Variants in BCAT1 observed in about 807,000 individuals in gnomAD.
The protein encoded by BCAT1 is branched-chain-amino-acid aminotransferase, cytosolic.
In BCAT1, 48 loss-of-function variants were observed where a neutral mutation model predicts 52.4. The observed-to-expected ratio is 0.92, with a 90% CI of 0.73 to 1.16. The LOEUF (loss-of-function observed/expected upper bound fraction) is 1.16, where lower values mean the gene tolerates loss of function less well. BCAT1 is among the 50% of genes most tolerant of loss of function. The pLI, the probability that BCAT1 is intolerant of heterozygous loss-of-function variation, is 0.00. For missense variants in BCAT1, 451 were observed against 457.1 expected, an observed-to-expected ratio of 0.99 and a Z score of 0.12; for synonymous variants, 167 against 161.3, an observed-to-expected ratio of 1.04 and a Z score of -0.27.
At chr12:24,879,705 C>T (rs1388327282) in intron 4 of BCAT1, among the ~76,000 whole-genome samples, 1 of 152,214 alleles carries the variant, frequency 6.6e-6, no homozygotes, top group Non-Finnish European at 1.5e-5. Flanking sequence ...GGAATAAAAA[C>T]ACCTGGATCT....
At position 24,817,046 on chromosome 12, in the gene BCAT1, A is replaced by G. The variant is rs147746575; in HGVS notation, c.*962T>C. On this transcript the variant is annotated 3_prime_UTR_variant, in exon 11 of 11. Transcript: ENST00000261192. Reference sequence around the variant, plus strand: ...GGTTGGGGTCCCCTGCTCTAGGGATATATCTTCAATTCCAAGATAATTCTA... The same window carrying G: ...GGTTGGGGTCCCCTGCTCTAGGGATGTATCTTCAATTCCAAGATAATTCTA... 8.9e-3 allele frequency: 1,404 copies of G among 157,314 alleles called. 15 individuals are homozygous for G. Among genetic ancestry groups the G allele is most frequent in the Non-Finnish European group, 0.011 (783 of 71,658 alleles). 9.7% of individuals were successfully genotyped at this position (157,314 alleles called of 1,614,324 possible).
chr12:24,908,115 G>C (rs370702423), intron 1 of BCAT1, among the ~76,000 whole-genome samples: 4 of 151,992 alleles, frequency 2.6e-5, no homozygotes, highest in Non-Finnish European at 5.9e-5. Flanking sequence ...ATGTTCTCAG[G>C]GTCCACTCCA....
intron 7 of BCAT1, among the ~76,000 whole-genome samples, chr12:24,839,100 G>A (rs769538442): frequency 9.2e-5 from 14 of 152,188 alleles, no homozygotes; most frequent in Admixed American, 1.3e-4. Flanking sequence ...ATAGACACAG[G>A]TAAACATTTA....
rs71063368 is a variant in BCAT1 at position 24,887,080 on chromosome 12, AATATATATATATAT to A, written c.280-5683_280-5670del. Among the ~76,000 whole-genome samples, 14 of 40,744 alleles carry A rather than the reference AATATATATATATAT, an allele frequency of 3.4e-4. 1 individual carries two copies. The highest frequency in any genetic ancestry group is 4.7e-4 in the Non-Finnish European group (9 of 19,058). The allele number at this position is 40,744 out of a possible 152,430, so 26.7% of individuals were successfully genotyped here. A position where few individuals can be genotyped will look rare whatever the true frequency, so the allele number is the denominator to read the frequency against. On this transcript the variant is annotated intron_variant, in intron 3 of 10. Transcript: ENST00000261192. The stretch of plus-strand genomic sequence containing the variant: ...GCTAGCTAAAAAAAAAAAAAAAAAA[AATATATATATATAT>A]ATATATATATATATATAAAGCTGAT...
At chr12:24,855,323 A>T (rs1452830275) in intron 5 of BCAT1, among the ~76,000 whole-genome samples, 4 of 149,082 alleles carry the variant, frequency 2.7e-5, no homozygotes, top group Admixed American at 1.3e-4. Flanking sequence ...AAAAAAAAAG[A>T]AAGAAAAAAA....
intron 5 of BCAT1, among the ~76,000 whole-genome samples, chr12:24,863,167 CAA>C (rs1196815544): frequency 6.6e-6 from 1 of 152,110 alleles, no homozygotes; most frequent in Admixed American, 6.5e-5. Context: ...AAACTAAAGA[CAA>C]AGTGGAAAAG....
intron 3 of BCAT1, among the ~76,000 whole-genome samples, chr12:24,886,410 AT>A (rs1450369711): frequency 2.9e-4 from 44 of 152,332 alleles, no homozygotes; most frequent in Admixed American, 4.6e-4. Context: ...TCTCAAATAA[AT>A]AAATAAAAAT....
chr12:24,826,358 T>C (rs1028647024), intron 10 of BCAT1, among the ~76,000 whole-genome samples: 2 of 152,196 alleles, frequency 1.3e-5, no homozygotes, highest in Non-Finnish European at 2.9e-5. Context: ...TGCATATAAT[T>C]ATCCAATTTT....
At position 24,815,612 on chromosome 12, in the gene BCAT1, G is replaced by A. The variant is rs988129430; in HGVS notation, c.*2396C>T. On this transcript the variant is annotated 3_prime_UTR_variant, in exon 11 of 11. Coordinates refer to ENST00000261192, the MANE Select transcript of BCAT1 (RefSeq NM_005504.7). ...CCTGTTAAATCTATTTAACAAGAAA[G>A]CGTCAAGGTCAATTTCCTGTCTTAT... 6.6e-6 allele frequency: 1 copy of A among 152,244 alleles called. No homozygotes were observed. The highest frequency in any genetic ancestry group is 2.4e-5 in the African/African-American group (1 of 41,430). The allele number at this position is 152,244 out of a possible 1,614,324, so 9.4% of individuals were successfully genotyped here. A position where few individuals can be genotyped will look rare whatever the true frequency, so the allele number is the denominator to read the frequency against.
chr12:24,902,599 T>G, intron 1 of BCAT1: 1 of 436,262 alleles, frequency 2.3e-6, no homozygotes, highest in Non-Finnish European at 3.7e-6. Context: ...GATGTGGCTG[T>G]GGGTTCTGGC....
At chr12:24,844,965 C>T (rs1034050979) in intron 6 of BCAT1, among the ~76,000 whole-genome samples, 6 of 147,602 alleles carry the variant, frequency 4.1e-5, no homozygotes, top group African/African-American at 1.5e-4. Context: ...GTAATCTCAG[C>T]ACTTTGGGAG....
intron 5 of BCAT1, among the ~76,000 whole-genome samples, chr12:24,864,704 C>G (rs1386448409): frequency 6.6e-6 from 1 of 152,186 alleles, no homozygotes; most frequent in Non-Finnish European, 1.5e-5. Context: ...AGGGAGGCGT[C>G]CATTCTCTGT....
At chr12:24,871,833 G>A (rs1198029273) in intron 5 of BCAT1, among the ~76,000 whole-genome samples, 1 of 152,078 alleles carries the variant, frequency 6.6e-6, no homozygotes, top group Non-Finnish European at 1.5e-5. Flanking sequence ...CTAAAATCAA[G>A]GCAAATAGAC....
intron 1 of BCAT1, 92 bp downstream of exon 1, chr12:24,948,834 TC>T: frequency 7.1e-7 from 1 of 1,411,792 alleles, no homozygotes; most frequent in Non-Finnish European, 9.8e-7. Context: ...CTCGCCTTCC[TC>T]CCCTCCCTGC....
Position 24,921,729 on chromosome 12 carries a change from T to C in BCAT1, c.7-19844A>G, listed in dbSNP as rs55919562. ...AATAGTTGTAGAGGCAGTGAATATT[T>C]AAGATGGGTTGGTACCTTTTGTTTT... On this transcript the variant is annotated intron_variant, in intron 1 of 10. Transcript: ENST00000261192. Among the ~76,000 whole-genome samples the C allele has an allele frequency of 9.2e-3, 1,398 of 152,288 alleles. 12 individuals carry two copies. Among genetic ancestry groups the C allele is most frequent in the Middle Eastern group, 0.051 (15 of 294 alleles).
At chr12:24,856,890 TC>T (rs1330273534) in intron 5 of BCAT1, among the ~76,000 whole-genome samples, 5 of 152,248 alleles carry the variant, frequency 3.3e-5, no homozygotes, top group Admixed American at 6.5e-5. Context: ...TTGTTTTATG[TC>T]CTTGAAAGCT....
At chr12:24,930,815 CT>C (rs1455327990) in intron 1 of BCAT1, among the ~76,000 whole-genome samples, 2 of 150,588 alleles carry the variant, frequency 1.3e-5, no homozygotes, top group Non-Finnish European at 1.5e-5. Context: ...TTAGAAGGTT[CT>C]TTAGATGTGT....
chr12:24,866,708 A>G (rs1388748847), intron 5 of BCAT1, among the ~76,000 whole-genome samples: 1 of 152,132 alleles, frequency 6.6e-6, no homozygotes, highest in Non-Finnish European at 1.5e-5. Context: ...ACATCAATCA[A>G]CACTCTTTAT....
intron 6 of BCAT1, among the ~76,000 whole-genome samples, chr12:24,848,576 A>G (rs1183744675): frequency 6.6e-6 from 1 of 152,192 alleles, no homozygotes; most frequent in Non-Finnish European, 1.5e-5. Flanking sequence ...AAACAGGGAA[A>G]CTTTTTCCTT....
Sources: gnomAD v4.1 joint callset for allele counts (sites outside exome capture counted in the v4.1 genomes callset) on GRCh38, gnomAD v4.1.1 for gene constraint, MANE v1.5 for transcripts, NCBI Gene and HGNC (gene_info 2026-07-23, HGNC 2026-07-21) for gene names.